SFXN5: variants seen among roughly 807,000 people sequenced by gnomAD.
SFXN5 encodes the protein sideroflexin-5.
In SFXN5, 43 loss-of-function variants were observed where a neutral mutation model predicts 50.2. That is an observed-to-expected ratio of 0.86 (90% CI 0.67 to 1.11). The LOEUF (loss-of-function observed/expected upper bound fraction) is 1.11, where lower values mean the gene tolerates loss of function less well. SFXN5 is among the 50% of genes least tolerant of loss of function. SFXN5 has a pLI of 0.00. For synonymous variants in SFXN5, 203 were observed against 185.8 expected (o/e 1.09, Z -0.75); for missense variants, 463 against 454.1 (o/e 1.02, Z -0.18).
chr2:73,020,537 C>G (rs1676739399), intron 5 of SFXN5, among the ~76,000 whole-genome samples: 1 of 152,188 alleles, frequency 6.6e-6, no homozygotes, highest in African/African-American at 2.4e-5. Flanking sequence ...GGCAGGGCTG[C>G]CTGCGACCTG....
intron 10 of SFXN5, among the ~76,000 whole-genome samples, chr2:72,975,913 C>G (rs1670567169): frequency 6.6e-6 from 1 of 152,182 alleles, no homozygotes; most frequent in Admixed American, 6.5e-5. Flanking sequence ...TGCCCATATG[C>G]ACAAAGAGAC....
chr2:73,046,549 A>T (rs770979569), intron 2 of SFXN5, among the ~76,000 whole-genome samples: 1 of 152,146 alleles, frequency 6.6e-6, no homozygotes, highest in Non-Finnish European at 1.5e-5. Context: ...AATAATAAAG[A>T]CTTGGTGTAG....
chr2:73,007,157 T>C (rs927984694), intron 6 of SFXN5, among the ~76,000 whole-genome samples: 1 of 152,132 alleles, frequency 6.6e-6, no homozygotes, highest in Non-Finnish European at 1.5e-5. Flanking sequence ...GCCACAGTTC[T>C]GTGTACGATG....
At chr2:72,962,314 G>A (rs1673838733) in intron 12 of SFXN5, among the ~76,000 whole-genome samples, 1 of 152,242 alleles carries the variant, frequency 6.6e-6, no homozygotes, top group Non-Finnish European at 1.5e-5. Flanking sequence ...CCACAGGCAG[G>A]TAAGGGGCCC....
In SFXN5 at chr2:72,944,986, C is replaced by T; in HGVS notation, c.*36G>A. The T allele has an allele frequency of 4.4e-6, 7 of 1,601,560 alleles. No individual in the cohort carries two copies. Among genetic ancestry groups the T allele is most frequent in the Non-Finnish European group, 6.0e-6 (7 of 1,171,004 alleles). On this transcript the variant is annotated 3_prime_UTR_variant, in exon 14 of 14. Transcript: ENST00000272433. ...ACGGCCCTGCCCCTCAGCTCCCCGG[C>T]TGCACAGTGCTCCGTCCCCAGGCCG...
At chr2:73,071,568 C>T (rs1203153709) in intron 1 of SFXN5, 36 bp downstream of exon 1, 1 of 1,595,614 alleles carries the variant, frequency 6.3e-7, no homozygotes, top group Non-Finnish European at 8.6e-7. Flanking sequence ...CTCTCTTTGC[C>T]ACCCGCCGGC....
rs1301599680 is a variant in SFXN5 at position 72,979,342 on chromosome 2, TA to T, written c.626-7658del. Among the ~76,000 whole-genome samples the T allele has an allele frequency of 2.1e-5, 3 of 145,102 alleles. No homozygotes were observed. In the East Asian group the frequency reaches 6.6e-4, roughly 32 times the overall value. On this transcript the variant is annotated intron_variant, in intron 10 of 13. Transcript: ENST00000272433. ...TATGTTAATAGAAAAATTTCATAAT[TA>T]AAAAAACAGGCCGAGTGCAGTGGCT...
chr2:72,959,906 T>C (rs1372977137), intron 13 of SFXN5, among the ~76,000 whole-genome samples: 2 of 152,174 alleles, frequency 1.3e-5, no homozygotes, highest in Non-Finnish European at 2.9e-5. Flanking sequence ...CCCTCACCTG[T>C]CACCTGGATC....
chr2:73,026,670 G>A (rs1409373467), intron 3 of SFXN5, among the ~76,000 whole-genome samples: 6 of 151,674 alleles, frequency 4.0e-5, no homozygotes, highest in African/African-American at 1.2e-4. Flanking sequence ...AATAATAAAC[G>A]TTACTCATTT....
At chr2:72,989,679 G>C (rs563769142) in intron 9 of SFXN5, among the ~76,000 whole-genome samples, 1 of 152,114 alleles carries the variant, frequency 6.6e-6, no homozygotes, top group Non-Finnish European at 1.5e-5. Context: ...GGGGCTTTGC[G>C]GAGGAGAGAA....
chr2:73,042,271 A>G (rs1179246569), intron 2 of SFXN5, among the ~76,000 whole-genome samples: 1 of 152,214 alleles, frequency 6.6e-6, no homozygotes, highest in Non-Finnish European at 1.5e-5. Flanking sequence ...TGTAGAATGG[A>G]TAAGTAAACA....
intron 7 of SFXN5, 60 bp from the exon 8 acceptor site, chr2:73,000,547 C>A: frequency 1.3e-6 from 2 of 1,516,198 alleles, no homozygotes; most frequent in South Asian, 1.2e-5. Context: ...GAAGCCAGGC[C>A]TGGACCCCAG....
At chr2:72,968,959 T>C (rs1382776648) in intron 11 of SFXN5, among the ~76,000 whole-genome samples, 2 of 151,650 alleles carry the variant, frequency 1.3e-5, no homozygotes, top group African/African-American at 4.8e-5. Context: ...CGCACCACCA[T>C]ACCTGGCTAA....
chr2:73,050,639 G>A (rs1054068383), intron 2 of SFXN5, among the ~76,000 whole-genome samples: 2 of 152,152 alleles, frequency 1.3e-5, no homozygotes, highest in Non-Finnish European at 2.9e-5. Flanking sequence ...TAAGGCCTTG[G>A]CACTCTGGGT....
intron 9 of SFXN5, 22 bp downstream of exon 9, chr2:72,998,927 G>A (rs774034491): frequency 5.6e-6 from 9 of 1,613,080 alleles, no homozygotes; most frequent in African/African-American, 1.3e-5. Context: ...AGCCAAGAAG[G>A]AGCAGGGGAG....
chr2:73,001,677 G>T, intron 6 of SFXN5, 99 bp from the exon 7 acceptor site: 3 of 1,181,790 alleles, frequency 2.5e-6, no homozygotes, highest in Non-Finnish European at 3.7e-6. Context: ...AGCTGGATCT[G>T]TACAAACTGA....
intron 1 of SFXN5, among the ~76,000 whole-genome samples, chr2:73,064,191 C>T (rs766481714): frequency 1.3e-5 from 2 of 152,208 alleles, no homozygotes; most frequent in African/African-American, 2.4e-5. Flanking sequence ...GACACCGCCC[C>T]GCAACTACAC....
At chr2:73,021,847 G>A (rs1330764712) in intron 5 of SFXN5, among the ~76,000 whole-genome samples, 1 of 152,210 alleles carries the variant, frequency 6.6e-6, no homozygotes, top group African/African-American at 2.4e-5. Flanking sequence ...ACTGCTGGGG[G>A]GATAAGCATG....
At chr2:73,042,802 A>T (rs1427332474) in intron 2 of SFXN5, among the ~76,000 whole-genome samples, 2 of 151,042 alleles carry the variant, frequency 1.3e-5, no homozygotes, top group East Asian at 4.0e-4. Context: ...AAAAAACAAC[A>T]GGCCAGGTGC....
Sources: allele counts gnomAD v4.1 joint callset (sites outside exome capture counted in the v4.1 genomes callset), GRCh38; gene constraint gnomAD v4.1.1; transcripts MANE v1.5; gene names NCBI Gene and HGNC (gene_info 2026-07-23, HGNC 2026-07-21).